The following CWC25 variants were observed in gnomAD, a reference collection of about 807,000 sequenced individuals.
CWC25 encodes CWC25 spliceosome associated protein, also known as pre-mRNA-splicing factor CWC25 homolog.
In CWC25, 31 loss-of-function variants were observed where a neutral mutation model predicts 54.6. That is an observed-to-expected ratio of 0.57 (90% confidence interval 0.43 to 0.77). The LOEUF (loss-of-function observed/expected upper bound fraction) is 0.77. Ranked by LOEUF, CWC25 falls within the 30% of genes least tolerant of loss-of-function variation. CWC25 has a pLI of 0.00. For missense variants in CWC25, 453 were observed against 529.3 expected (o/e 0.86, Z 1.41); for synonymous variants, 151 against 187.0 (o/e 0.81, Z 1.57).
At chr17:38,811,050 G>A (rs767780285) in intron 4 of CWC25, among the ~76,000 whole-genome samples, 1 of 151,496 alleles carries the variant, frequency 6.6e-6, no homozygotes, top group Non-Finnish European at 1.5e-5. Flanking sequence ...GGCCAATATG[G>A]TGAAAGACCA....
In CWC25 at chr17:38,801,737, G is replaced by C. The variant is rs2143534463; in HGVS notation, c.*355C>G. On this transcript the variant is annotated 3_prime_UTR_variant, in exon 10 of 10. Transcript: ENST00000614790. ...CACCAGAGAGGTTTCTGAAGGGTCT[G>C]GTGTACGCTGAGGCAGTGAAATAGG... The C allele has an allele frequency of 5.5e-6, 1 of 180,536 alleles. No homozygotes were observed. The highest frequency in any genetic ancestry group is 6.2e-5 in the Admixed American group (1 of 16,134). 11.2% of individuals were successfully genotyped at this position (180,536 alleles called of 1,614,324 possible). A position where few individuals can be genotyped will look rare whatever the true frequency, so the allele number is the denominator to read the frequency against.
intron 8 of CWC25, among the ~76,000 whole-genome samples, chr17:38,805,056 G>A (rs1485331148): frequency 2.0e-5 from 3 of 151,560 alleles, no homozygotes; most frequent in Non-Finnish European, 2.9e-5. Flanking sequence ...GTGGTGAGCC[G>A]AGATTGGGCC....
At chr17:38,823,944 A>G (rs1912032163) in intron 1 of CWC25, among the ~76,000 whole-genome samples, 1 of 152,160 alleles carries the variant, frequency 6.6e-6, no homozygotes, top group Admixed American at 6.6e-5. Context: ...ACACACCCCC[A>G]AAGAATTATC....
At chr17:38,821,386 C>T (rs936090392) in intron 1 of CWC25, among the ~76,000 whole-genome samples, 5 of 152,048 alleles carry the variant, frequency 3.3e-5, no homozygotes, top group Non-Finnish European at 7.4e-5. Flanking sequence ...CATGATGAAA[C>T]GCCTCTACTG....
At chr17:38,822,502 T>A (rs1386731711) in intron 1 of CWC25, among the ~76,000 whole-genome samples, 1 of 152,138 alleles carries the variant, frequency 6.6e-6, no homozygotes, top group Non-Finnish European at 1.5e-5. Flanking sequence ...ATCTCCCCAT[T>A]CACCCTCAAA....
intron 2 of CWC25, among the ~76,000 whole-genome samples, chr17:38,820,128 C>T (rs1446907120): frequency 6.6e-6 from 1 of 152,062 alleles, no homozygotes; most frequent in East Asian, 1.9e-4. Context: ...AGAGATGGAG[C>T]CTCACTACAT....
rs939667880 is a variant in CWC25, at chr17:38,813,901, G to A, written c.428+960C>T. ...TTTCGAGACGGAGTCTCGCTCTTTC[G>A]TCCAGGCTAGAGTGCAGTGGCGCGA... On this transcript the variant is annotated intron_variant, in intron 3 of 9. Transcript: ENST00000614790. Among the ~76,000 whole-genome samples, 33 of 151,898 alleles carry A rather than the reference G, an allele frequency of 2.2e-4. 1 individual carries two copies. The highest frequency in any genetic ancestry group is 2.0e-3 in the Admixed American group (30 of 15,220).
chr17:38,810,713 C>T (rs1398638334), intron 4 of CWC25, 118 bp from the exon 5 acceptor site: 4 of 677,384 alleles, frequency 5.9e-6, no homozygotes, highest in South Asian at 3.1e-5. Flanking sequence ...ACTTGAGGTC[C>T]GGAGTTCGAG....
chr17:38,809,376 C>T (rs868143806), intron 6 of CWC25, among the ~76,000 whole-genome samples: 38 of 147,100 alleles, frequency 2.6e-4, no homozygotes, highest in Non-Finnish European at 3.3e-4. Flanking sequence ...TGCAGTGAGC[C>T]GAGATCGCGC....
rs998230553 is a variant in CWC25 at position 38,814,110 on chromosome 17, C to T, written c.428+751G>A. Among the ~76,000 whole-genome samples, 9 of 152,122 alleles carry T rather than the reference C, an allele frequency of 5.9e-5. No individual in the cohort carries two copies. The East Asian group carries it at 1.7e-3, about 30-fold the overall frequency. On this transcript the variant is annotated intron_variant, in intron 3 of 9. Coordinates refer to ENST00000614790, the MANE Select transcript of CWC25 (RefSeq NM_017748.5). ...TCTCCTGACCTCGTGATCCGCCCGCCTCGGCCTCCTGAAGTGCTGGGATTA... is the reference window on the plus strand; with the variant it reads ...TCTCCTGACCTCGTGATCCGCCCGCTTCGGCCTCCTGAAGTGCTGGGATTA...
intron 8 of CWC25, among the ~76,000 whole-genome samples, chr17:38,803,571 A>C (rs1336935389): frequency 6.6e-6 from 1 of 152,136 alleles, no homozygotes; most frequent in Non-Finnish European, 1.5e-5. Flanking sequence ...CGGAGGTTGC[A>C]GTGAGCCAAG....
intron 8 of CWC25, among the ~76,000 whole-genome samples, chr17:38,805,002 G>A (rs1911174767): frequency 6.6e-6 from 1 of 152,112 alleles, no homozygotes; most frequent in Non-Finnish European, 1.5e-5. Context: ...AGCTACCTAG[G>A]AGGCTGAGGC....
At chr17:38,807,062 C>A in intron 6 of CWC25, 86 bp from the exon 7 acceptor site, 2 of 1,069,590 alleles carry the variant, frequency 1.9e-6, no homozygotes, top group Non-Finnish European at 2.7e-6. Flanking sequence ...TGGCTCACGC[C>A]TGTAATCCCA....
At chr17:38,821,153 C>T in intron 1 of CWC25, 80 bp from the exon 2 acceptor site, 2 of 1,420,630 alleles carry the variant, frequency 1.4e-6, no homozygotes, top group Non-Finnish European at 1.9e-6. Flanking sequence ...CTCACCCACC[C>T]TTCCATACCC....
chr17:38,815,066 G>T lies in CWC25; in HGVS notation c.223C>A (p.Gln75Lys). ...CGGTTCACCATCCCACCAGGACCCTGGTACATCCAGTCCAACTTTTCTTCT... is the reference window on the plus strand; with the variant it reads ...CGGTTCACCATCCCACCAGGACCCTTGTACATCCAGTCCAACTTTTCTTCT... ...KKEEKLDWMY[Q>K]GPGGMVNRDE... Residue 75 changes from glutamine to lysine, a missense_variant, in exon 3 of 10, where the codon CAG becomes AAG. By Grantham distance (53) the Gln-to-Lys change is moderately conservative. Transcript: ENST00000614790. 1 of 1,613,822 alleles carries T rather than the reference G, an allele frequency of 6.2e-7. No individual in the cohort carries two copies. Among genetic ancestry groups the T allele is most frequent in the Non-Finnish European group, 8.5e-7 (1 of 1,179,838 alleles).
intron 2 of CWC25, among the ~76,000 whole-genome samples, chr17:38,816,182 G>C (rs1911690352): frequency 6.6e-6 from 1 of 152,164 alleles, no homozygotes; most frequent in South Asian, 2.1e-4. Context: ...CTGCAACCAG[G>C]AAAGTACTTT....
At chr17:38,814,786 A>C (rs1386250677) in intron 3 of CWC25, 75 bp downstream of exon 3, 1 of 1,008,190 alleles carries the variant, frequency 9.9e-7, no homozygotes, top group African/African-American at 1.7e-5. Flanking sequence ...AAAACTGTAA[A>C]GCAAGAGAAT....
chr17:38,808,359 G>A (rs1377067894), intron 6 of CWC25, among the ~76,000 whole-genome samples: 4 of 130,840 alleles, frequency 3.1e-5, no homozygotes, highest in Non-Finnish European at 6.7e-5. Context: ...TCCAGCCTGG[G>A]CGACAGAGCG....
chr17:38,822,972 G>A (rs1037859266), intron 1 of CWC25, among the ~76,000 whole-genome samples: 6 of 151,200 alleles, frequency 4.0e-5, no homozygotes, highest in Non-Finnish European at 8.8e-5. Flanking sequence ...TGAGTAGCTG[G>A]GACTACAGAC....
Sources: gnomAD v4.1 joint callset for allele counts (sites outside exome capture counted in the v4.1 genomes callset) on GRCh38, gnomAD v4.1.1 for gene constraint, MANE v1.5 for transcripts, NCBI Gene and HGNC (gene_info 2026-07-23, HGNC 2026-07-21) for gene names.